The following USP13 variants were observed in gnomAD, a reference collection of about 807,000 sequenced individuals.
USP13 encodes the protein ubiquitin specific peptidase 13.
USP13 carries 68 observed loss-of-function variants against 107.8 expected under a neutral mutation model. The observed-to-expected ratio is 0.63, with a 90% CI of 0.52 to 0.77. The LOEUF (loss-of-function observed/expected upper bound fraction) is 0.77. USP13 is among the 30% of genes least tolerant of loss of function. USP13 has a pLI of 0.00. For missense variants in USP13, 945 were observed against 1,093.3 expected (o/e 0.86, Z 1.91); for synonymous variants, 377 against 389.5 (o/e 0.97, Z 0.38).
Position 179,787,632 on chromosome 3 carries a change from T to C in USP13, c.*3491T>C, listed in dbSNP as rs1299725966. ...ACTTTTTTTTTTTCTTGAGATGGAGTCTCGCTGTGTTGCCAAGGCTGGAGT... is the reference window on the plus strand; with the variant it reads ...ACTTTTTTTTTTTCTTGAGATGGAGCCTCGCTGTGTTGCCAAGGCTGGAGT... On this transcript the variant is annotated 3_prime_UTR_variant, in exon 21 of 21. Transcript: ENST00000263966. The C allele has an allele frequency of 6.6e-6, 1 of 151,668 alleles. No individual in the cohort carries two copies. The highest frequency in any genetic ancestry group is 1.5e-5 in the Non-Finnish European group (1 of 67,992). 9.4% of individuals were successfully genotyped at this position (151,668 alleles called of 1,614,324 possible). A position where few individuals can be genotyped will look rare whatever the true frequency, so the allele number is the denominator to read the frequency against.
chr3:179,680,196 ACAACAAAAAG>A (rs1432090842), intron 1 of USP13, among the ~76,000 whole-genome samples: 8 of 151,810 alleles, frequency 5.3e-5, no homozygotes, highest in Non-Finnish European at 1.0e-4. Flanking sequence ...AACAACAACA[ACAACAAAAAG>A]AAAGAGAGAG....
intron 10 of USP13, among the ~76,000 whole-genome samples, chr3:179,733,899 C>A (rs1268826867): frequency 6.6e-6 from 1 of 152,196 alleles, no homozygotes; most frequent in African/African-American, 2.4e-5. Context: ...TTATATCAGG[C>A]AGTTTGGCTC....
At position 179,742,431 on chromosome 3, in the gene USP13, C is replaced by T. The variant is rs1017257534; in HGVS notation, c.1534+81C>T. The T allele has an allele frequency of 3.2e-6, 5 of 1,565,038 alleles. No individual in the cohort carries two copies. In the African/African-American group the frequency reaches 5.4e-5, roughly 17 times the overall value. On this transcript the variant is annotated intron_variant, in intron 12 of 20. Transcript: ENST00000263966. The surrounding 1 kb of genome is among the most constrained non-coding windows in gnomAD (Gnocchi z 5.0). ...CAAATCAGAGAGAATGGTTTAGTCA[C>T]TGAAGTGTGTCAGGAGTAGACCCAG...
chr3:179,671,869 G>A lies in USP13; in HGVS notation c.169-10009G>A, dbSNP rs148351637. On this transcript the variant is annotated intron_variant, in intron 1 of 20. Transcript: ENST00000263966. ...GTGTTAGTATGTGATTTGTCCTGGCGTGGATTTGTTGTGACTCCATCTACC... is the reference window on the plus strand; with the variant it reads ...GTGTTAGTATGTGATTTGTCCTGGCATGGATTTGTTGTGACTCCATCTACC... 5.4e-3 allele frequency among the ~76,000 whole-genome samples: 823 copies of A among 152,230 alleles called. 24 individuals are homozygous for A. The highest frequency in any genetic ancestry group is 0.039 in the Admixed American group (592 of 15,286).
intron 1 of USP13, among the ~76,000 whole-genome samples, chr3:179,677,823 T>C (rs1019867562): frequency 6.6e-6 from 1 of 152,218 alleles, no homozygotes; most frequent in Non-Finnish European, 1.5e-5. Flanking sequence ...TAATATTTGT[T>C]ACTCCCAGCC....
intron 1 of USP13, among the ~76,000 whole-genome samples, chr3:179,660,299 C>A (rs977330515): frequency 6.6e-6 from 1 of 152,170 alleles, no homozygotes; most frequent in African/African-American, 2.4e-5. Flanking sequence ...CTTCTCCTAG[C>A]CCCTTGTAAT....
chr3:179,739,142 G>A (rs1034442922), intron 10 of USP13, among the ~76,000 whole-genome samples: 7 of 152,164 alleles, frequency 4.6e-5, no homozygotes, highest in African/African-American at 7.2e-5. Flanking sequence ...CTCGGCAGCC[G>A]TCACCTCCTC....
intron 3 of USP13, among the ~76,000 whole-genome samples, chr3:179,696,162 G>A (rs569419532): frequency 6.6e-6 from 1 of 152,182 alleles, no homozygotes; most frequent in East Asian, 1.9e-4. Context: ...GTTGTGCATT[G>A]CCCAACAGCT....
intron 12 of USP13, 26 bp from the exon 13 acceptor site, chr3:179,745,017 G>A (rs764941747): frequency 3.7e-6 from 6 of 1,613,372 alleles, no homozygotes; most frequent in South Asian, 1.1e-5. Context: ...GCGATTGCAA[G>A]GTCTTTGATT....
At chr3:179,761,414 CT>C (rs59210034) in intron 17 of USP13, among the ~76,000 whole-genome samples, 159 bp downstream of exon 17, 52 of 147,746 alleles carry the variant, frequency 3.5e-4, no homozygotes, top group Admixed American at 4.7e-4. Flanking sequence ...TTTTCTTCTT[CT>C]TTTTTTTTTT....
intron 20 of USP13, among the ~76,000 whole-genome samples, chr3:179,783,063 T>G (rs1431320295): frequency 1.3e-5 from 2 of 152,150 alleles, no homozygotes; most frequent in South Asian, 2.1e-4. Flanking sequence ...ATCTTTGTGG[T>G]GAATTGTTTT....
At chr3:179,684,220 A>G (rs2108456407) in intron 2 of USP13, among the ~76,000 whole-genome samples, 1 of 146,876 alleles carries the variant, frequency 6.8e-6, no homozygotes, top group East Asian at 2.1e-4. Flanking sequence ...CGGCCTCCCA[A>G]AGTGCTGGGA....
intron 8 of USP13, among the ~76,000 whole-genome samples, chr3:179,725,813 T>C (rs554889351): frequency 6.6e-6 from 1 of 152,320 alleles, no homozygotes; most frequent in South Asian, 2.1e-4. Flanking sequence ...GAGATGACAT[T>C]CTAGTATGTA....
rs1323889270 is a variant in USP13, at chr3:179,788,660, C to T, written c.*4519C>T. ...ATAATTGAAATTAAAATTCTTTTCA[C>T]CCATTTTTATTTTTTTAAAAATGTG... On this transcript the variant is annotated 3_prime_UTR_variant, in exon 21 of 21. Transcript: ENST00000263966. 4 of 152,028 alleles carry T rather than the reference C, an allele frequency of 2.6e-5. No individual in the cohort carries two copies. The allele number at this position is 152,028 out of a possible 1,614,324, so 9.4% of individuals were successfully genotyped here.
chr3:179,710,339 T>G (rs1712877333), intron 6 of USP13, among the ~76,000 whole-genome samples: 1 of 152,170 alleles, frequency 6.6e-6, no homozygotes, highest in South Asian at 2.1e-4. Flanking sequence ...TGTAGAAAGA[T>G]TTGCAATGTA....
chr3:179,683,506 T>C (rs1576922622), intron 2 of USP13, among the ~76,000 whole-genome samples: 1 of 152,172 alleles, frequency 6.6e-6, no homozygotes, highest in Non-Finnish European at 1.5e-5. Context: ...ACAATCATGG[T>C]AGAAGGCAAA....
chr3:179,723,210 C>G (rs1266687453), intron 8 of USP13, among the ~76,000 whole-genome samples: 2 of 152,146 alleles, frequency 1.3e-5, no homozygotes, highest in African/African-American at 4.8e-5. Context: ...TGTCACATAC[C>G]CTTCTCTTTC....
At chr3:179,697,588 G>T (rs1385380295) in intron 3 of USP13, among the ~76,000 whole-genome samples, 1 of 152,120 alleles carries the variant, frequency 6.6e-6, no homozygotes, top group African/African-American at 2.4e-5. Context: ...CTTGGGTATT[G>T]CCACTTAATA....
At chr3:179,700,614 C>T (rs1712483214) in intron 3 of USP13, among the ~76,000 whole-genome samples, 2 of 152,038 alleles carry the variant, frequency 1.3e-5, no homozygotes, top group African/African-American at 4.8e-5. Flanking sequence ...ACAACCATTC[C>T]AGCCTATTGT....
Sources: allele counts gnomAD v4.1 joint callset (sites outside exome capture counted in the v4.1 genomes callset), GRCh38; gene constraint gnomAD v4.1.1; non-coding constraint Gnocchi (gnomAD v3.1); transcripts MANE v1.5; gene names NCBI Gene and HGNC (gene_info 2026-07-23, HGNC 2026-07-21).